Variants in COA7 observed in about 807,000 individuals in gnomAD.
The protein encoded by COA7 is cytochrome c oxidase assembly factor 7, also known as Sel1 repeat containing 1.
Under a neutral mutation model 21.0 loss-of-function variants are expected in COA7, and 12 were observed. That is an observed-to-expected ratio of 0.57 (90% CI 0.37 to 0.92). The LOEUF is 0.92. Ranked by LOEUF, COA7 falls within the 40% of genes least tolerant of loss-of-function variation. The pLI is 0.01. For missense variants in COA7, 240 were observed against 286.1 expected (o/e 0.84, Z 1.16); for synonymous variants, 95 against 107.4 (o/e 0.88, Z 0.72).
In COA7 at chr1:52,687,703, A is replaced by G; in HGVS notation, c.*17T>C. 6.2e-7 allele frequency: 1 copy of G among 1,605,334 alleles called. No homozygotes were observed. The highest frequency in any genetic ancestry group is 8.5e-7 in the Non-Finnish European group (1 of 1,173,310). On this transcript the variant is annotated 3_prime_UTR_variant, in exon 3 of 3. Coordinates refer to ENST00000371538, the MANE Select transcript of COA7 (RefSeq NM_023077.3). Reference sequence around the variant, plus strand: ...AGCCTCAAGCAGTTTGTTGCCTGGGAGGGAGGGTGGACCACATTACCCAAA... The same window carrying G: ...AGCCTCAAGCAGTTTGTTGCCTGGGGGGGAGGGTGGACCACATTACCCAAA...
rs1307465441 is a variant in COA7, at chr1:52,686,939, T to C, written c.*781A>G. The C allele has an allele frequency of 6.6e-6, 1 of 152,242 alleles. No individual in the cohort carries two copies. The highest frequency in any genetic ancestry group is 2.4e-5 in the African/African-American group (1 of 41,446). 9.4% of individuals were successfully genotyped at this position (152,242 alleles called of 1,614,324 possible). ...TTGCTTACAAACTCCTAGCTGAAGC[T>C]GCCTTGGGAAGAATCTGCTCCCTCA... On this transcript the variant is annotated 3_prime_UTR_variant, in exon 3 of 3. Transcript: ENST00000371538.
Position 52,698,235 on chromosome 1 carries a change from T to G in COA7, c.92A>C (p.Glu31Ala), listed in dbSNP as rs1348058815. Residue 31 changes from glutamate (E) to alanine (A), a missense_variant, in exon 1 of 3, where the codon GAG becomes GCG. By Grantham distance (107) the Glu-to-Ala change is moderately radical. Around this residue, in one of 3 missense-constraint regions of COA7, gnomAD observed 71 missense variants for 54.7 expected, o/e 1.30. Transcript: ENST00000371538. The stretch of plus-strand genomic sequence containing the variant: ...GAGCCGCTCACCGTCCGGGTCCTTC[T>G]CGTGGTAGCAGTGGTAGTTGCACTC... Reference protein sequence around the residue: ...EVECNYHCYHEKDPDGCYRLV... With the variant: ...EVECNYHCYHAKDPDGCYRLV... 8 of 1,611,568 alleles carry G rather than the reference T, an allele frequency of 5.0e-6. No individual in the cohort carries two copies. Among genetic ancestry groups the G allele is most frequent in the Non-Finnish European group, 6.8e-6 (8 of 1,179,196 alleles).
intron 2 of COA7, among the ~76,000 whole-genome samples, chr1:52,690,715 G>A (rs1644039272): frequency 6.6e-6 from 1 of 151,586 alleles, no homozygotes; most frequent in East Asian, 1.9e-4. Flanking sequence ...GTCTTGCTCT[G>A]TGGCCGAGGC....
chr1:52,694,922 G>A (rs949899255), intron 1 of COA7, among the ~76,000 whole-genome samples: 2 of 152,138 alleles, frequency 1.3e-5, no homozygotes, highest in East Asian at 1.9e-4. Context: ...CAGACCATAG[G>A]CCTCGTGAAA....
intron 1 of COA7, among the ~76,000 whole-genome samples, chr1:52,694,351 C>T (rs552069630): frequency 1.3e-4 from 20 of 151,840 alleles, no homozygotes; most frequent in African/African-American, 4.4e-4. Flanking sequence ...ATCCCAGCTA[C>T]TCGGGAGGCT....
rs765005747 is a variant in COA7, at chr1:52,692,867, C to T, written c.107G>A (p.Gly36Asp). 2 of 1,614,024 alleles carry T rather than the reference C, an allele frequency of 1.2e-6. No individual in the cohort carries two copies. Among genetic ancestry groups the T allele is most frequent in the African/African-American group, 2.7e-5 (2 of 74,930 alleles). ...CAAATAGTCCACCAGCCGATAGCAA[C>T]CTGCGAGAAGAGGGCAAGGGTTGTT... The part of the protein sequence containing the change: ...YHCYHEKDPD[G>D]CYRLVDYLEG... Residue 36 changes from glycine to aspartate, a missense_variant and splice_region_variant, in exon 2 of 3, where the codon GGT becomes GAT. Transcript: ENST00000371538.
At chr1:52,691,457 T>C (rs987831136) in intron 2 of COA7, among the ~76,000 whole-genome samples, 3 of 147,560 alleles carry the variant, frequency 2.0e-5, no homozygotes, top group African/African-American at 7.6e-5. Flanking sequence ...ATTACTTATT[T>C]ATGTGTGTGT....
At chr1:52,693,920 C>A (rs992523119) in intron 1 of COA7, among the ~76,000 whole-genome samples, 33 of 152,204 alleles carry the variant, frequency 2.2e-4, no homozygotes, top group African/African-American at 7.9e-4. Context: ...CATTTGCCCT[C>A]CTAAAATTTA....
At chr1:52,691,003 G>A (rs1390403483) in intron 2 of COA7, among the ~76,000 whole-genome samples, 4 of 152,130 alleles carry the variant, frequency 2.6e-5, no homozygotes, top group South Asian at 2.1e-4. Flanking sequence ...CCAGCTACTC[G>A]GAAGGTTGAG....
Position 52,698,283 on chromosome 1 carries a change from G to T in COA7, c.44C>A (p.Ser15Tyr). The T allele has an allele frequency of 6.2e-7, 1 of 1,612,856 alleles. No homozygotes were observed. The highest frequency in any genetic ancestry group is 8.5e-7 in the Non-Finnish European group (1 of 1,179,862). ...VDFQDEEQVK[S>Y]FLENMEVECN... ...CTCCACCTCCATGTTCTCCAAAAAGGACTTGACCTGCTCCTCATCCTGGAA... is the reference window on the plus strand; with the variant it reads ...CTCCACCTCCATGTTCTCCAAAAAGTACTTGACCTGCTCCTCATCCTGGAA... Residue 15 changes from serine (S) to tyrosine (Y), a missense_variant, in exon 1 of 3, where the codon TCC (serine) becomes TAC (tyrosine). Ser to Tyr is a moderately radical substitution (Grantham distance 144). Around this residue, in one of 3 missense-constraint regions of COA7, gnomAD observed 71 missense variants for 54.7 expected, o/e 1.30. Coordinates refer to ENST00000371538, the MANE Select transcript of COA7 (RefSeq NM_023077.3).
intron 2 of COA7, among the ~76,000 whole-genome samples, chr1:52,688,656 G>A (rs1306919445): frequency 6.6e-6 from 1 of 152,120 alleles, no homozygotes; most frequent in Non-Finnish European, 1.5e-5. Flanking sequence ...AGATCAACCT[G>A]GGTGACAGAG....
At chr1:52,694,461 GA>G (rs59226724) in intron 1 of COA7, among the ~76,000 whole-genome samples, 1,416 of 64,922 alleles carry the variant, frequency 0.022, 8 homozygotes, top group African/African-American at 0.041. Flanking sequence ...ACTCCATCTC[GA>G]AAAAAAAAAA....
At position 52,690,667 on chromosome 1, in the gene COA7, C is replaced by CATTTATTTATTT. The variant is rs59584460; in HGVS notation, c.247+2048_247+2059dup. Among the ~76,000 whole-genome samples the CATTTATTTATTT allele has an allele frequency of 9.8e-3, 1,460 of 149,606 alleles. 34 individuals are homozygous for CATTTATTTATTT. The highest frequency in any genetic ancestry group is 0.033 in the African/African-American group (1,352 of 40,714). On this transcript the variant is annotated intron_variant, in intron 2 of 2. Coordinates refer to ENST00000371538, the MANE Select transcript of COA7 (RefSeq NM_023077.3). ...AATCATTTTTATTTTCATTTATTTA[C>CATTTATTTATTT]ATTTATTTATTTATTTATTTATTTA...
At position 52,698,318 on chromosome 1, in the gene COA7, G is replaced by T; in HGVS notation, c.9C>A (p.Gly3=). MA[G]MVDFQDEEQV... ...GCTCCTCATCCTGGAAGTCCACCAT[G>T]CCGGCCATGGTTCGCGCCGGCCCAA... Residue 3 remains glycine, a synonymous_variant, in exon 1 of 3, where the codon GGC becomes GGA. Coordinates refer to ENST00000371538, the MANE Select transcript of COA7 (RefSeq NM_023077.3). 1.2e-6 allele frequency: 2 copies of T among 1,610,482 alleles called. No homozygotes were observed. Among genetic ancestry groups the T allele is most frequent in the Non-Finnish European group, 1.7e-6 (2 of 1,179,272 alleles).
At chr1:52,689,890 G>A (rs546912940) in intron 2 of COA7, among the ~76,000 whole-genome samples, 1 of 152,196 alleles carries the variant, frequency 6.6e-6, no homozygotes, top group African/African-American at 2.4e-5. Context: ...AGCTGGGCAT[G>A]GTGGCAGGGG....
Position 52,688,003 on chromosome 1 carries a change from T to TAGTA in COA7, c.409_412dup (p.Tyr138LeufsTer7), listed in dbSNP as rs1644018687. The TAGTA allele has an allele frequency of 6.2e-7, 1 of 1,614,032 alleles. No individual in the cohort carries two copies. The highest frequency in any genetic ancestry group is 1.3e-5 in the African/African-American group (1 of 74,914). On this transcript the variant is annotated frameshift_variant, in exon 3 of 3. Transcript: ENST00000371538. LOFTEE classifies it high-confidence loss of function. The stretch of plus-strand genomic sequence containing the variant: ...ATAGCCACCATCACAGGCCCTTGTG[T>TAGTA]AGTAGTCCCTGGCCTTTCCCAAGTC...
rs373689138 is a variant in COA7, at chr1:52,697,001, C to T, written c.106+1220G>A. ...GTGGGTGCCTGTAATCCCAGCTACT[C>T]GGGAGGCTGAGGCAGGAGAATTGCT... On this transcript the variant is annotated intron_variant, in intron 1 of 2. Coordinates refer to ENST00000371538, the MANE Select transcript of COA7 (RefSeq NM_023077.3). Among the ~76,000 whole-genome samples the T allele has an allele frequency of 4.6e-5, 7 of 151,794 alleles. No individual in the cohort carries two copies. In the East Asian group the frequency reaches 9.8e-4, roughly 21 times the overall value.
In COA7 at chr1:52,685,548, C is replaced by G. The variant is rs539592416; in HGVS notation, c.*2172G>C. 2 of 151,726 alleles carry G rather than the reference C, an allele frequency of 1.3e-5. No homozygotes were observed. Among genetic ancestry groups the G allele is most frequent in the East Asian group, 3.9e-4 (2 of 5,148 alleles). The allele number at this position is 151,726 out of a possible 1,614,324, so 9.4% of individuals were successfully genotyped here. A position where few individuals can be genotyped will look rare whatever the true frequency, so the allele number is the denominator to read the frequency against. ...TTGAACATATTTTCATGTTTTTTGA[C>G]CTACAGTTTTGTGTGTGTGTGTGTG... On this transcript the variant is annotated 3_prime_UTR_variant, in exon 3 of 3. Transcript: ENST00000371538.
At chr1:52,697,721 T>C (rs935253492) in intron 1 of COA7, among the ~76,000 whole-genome samples, 7 of 151,780 alleles carry the variant, frequency 4.6e-5, no homozygotes, top group Admixed American at 2.0e-4. Flanking sequence ...TACAGGCGCC[T>C]GCCACCACGC....
Sources: allele counts gnomAD v4.1 joint callset (sites outside exome capture counted in the v4.1 genomes callset), GRCh38; gene constraint gnomAD v4.1.1; regional missense constraint gnomAD v4.1.1; transcripts MANE v1.5; gene names NCBI Gene and HGNC (gene_info 2026-07-23, HGNC 2026-07-21).